Variants in MYOCD observed in about 807,000 individuals in gnomAD.
The protein encoded by MYOCD is myocardin.
Under a neutral mutation model 96.1 loss-of-function variants are expected in MYOCD, and 32 were observed. That is an observed-to-expected ratio of 0.33 (90% CI 0.25 to 0.45). MYOCD has a LOEUF of 0.45. Among genes scored for constraint, MYOCD ranks in the 20% least tolerant of loss-of-function variants. The pLI, the probability that MYOCD is intolerant of heterozygous loss-of-function variation, is 1.00. For missense variants in MYOCD, 1,133 were observed against 1,200.6 expected (o/e 0.94, Z 0.83); for synonymous variants, 469 against 469.0 (o/e 1.00, Z 0.00).
intron 5 of MYOCD, among the ~76,000 whole-genome samples, chr17:12,734,440 C>A (rs1254941037): frequency 6.6e-6 from 1 of 151,258 alleles, no homozygotes; most frequent in Non-Finnish European, 1.5e-5. Flanking sequence ...CACTTAACCC[C>A]CTAACCCCCA....
intron 6 of MYOCD, 85 bp downstream of exon 6, chr17:12,736,421 A>G (rs747727306): frequency 3.5e-6 from 5 of 1,418,138 alleles, no homozygotes; most frequent in Non-Finnish European, 4.8e-6. Flanking sequence ...CACTGTTAAC[A>G]GCTGGTTTTG....
intron 1 of MYOCD, among the ~76,000 whole-genome samples, chr17:12,684,155 C>A (rs1465047528): frequency 6.6e-6 from 1 of 151,930 alleles, no homozygotes. Flanking sequence ...CATAGCAATT[C>A]TTTTTTTTCC....
At chr17:12,743,309 C>T (rs760404319) in intron 7 of MYOCD, among the ~76,000 whole-genome samples, 6 of 151,840 alleles carry the variant, frequency 4.0e-5, no homozygotes, top group Non-Finnish European at 7.4e-5. Flanking sequence ...GGCAGGCAGG[C>T]GAGAGGGTGT....
At position 12,666,359 on chromosome 17, in the gene MYOCD, C is replaced by T. The variant is rs190694581; in HGVS notation, c.55+116C>T. On this transcript the variant is annotated intron_variant, in intron 1 of 13. Coordinates refer to ENST00000425538, the MANE Select transcript of MYOCD (RefSeq NM_001146312.3). ...CTGCCAGGTCTACCTCAACTTTGTT[C>T]CCCAAAAGCACATTGTGGAAGCGAA... 30 of 784,416 alleles carry T rather than the reference C, an allele frequency of 3.8e-5. No homozygotes were observed. In the East Asian group the frequency reaches 8.1e-4, roughly 21 times the overall value. 48.6% of individuals were successfully genotyped at this position (784,416 alleles called of 1,614,324 possible). A position where few individuals can be genotyped will look rare whatever the true frequency, so the allele number is the denominator to read the frequency against.
At chr17:12,687,706 C>T (rs2030203574) in intron 1 of MYOCD, among the ~76,000 whole-genome samples, 1 of 152,008 alleles carries the variant, frequency 6.6e-6, no homozygotes, top group Non-Finnish European at 1.5e-5. Context: ...AAAATACGAC[C>T]ATTCTTTGGC....
At position 12,736,269 on chromosome 17, in the gene MYOCD, C is replaced by G; in HGVS notation, c.524C>G (p.Ser175Ter). The G allele has an allele frequency of 6.2e-7, 1 of 1,614,232 alleles. No individual in the cohort carries two copies. The highest frequency in any genetic ancestry group is 8.5e-7 in the Non-Finnish European group (1 of 1,180,034). ...ACTCGAAGTGAAGACCCCCAAAACT[C>G]AGCGGGATCCCCGCCAGACGCTAAA... Reference protein sequence around the residue: ...DQTRSEDPQNSAGSPPDAKAS... With the variant: ...DQTRSEDPQN Residue 175 changes from serine (S) to a stop codon, truncating the protein, a stop_gained, in exon 6 of 14, where the codon TCA becomes TGA. Coordinates refer to ENST00000425538, the MANE Select transcript of MYOCD (RefSeq NM_001146312.3). LOFTEE classifies it high-confidence loss of function.
intron 5 of MYOCD, among the ~76,000 whole-genome samples, chr17:12,732,790 G>A (rs145201360): frequency 6.6e-6 from 1 of 152,302 alleles, no homozygotes; most frequent in East Asian, 1.9e-4. Context: ...CCAAATGCCA[G>A]GTGTCAGAGT....
chr17:12,681,334 T>G (rs187477186), intron 1 of MYOCD, among the ~76,000 whole-genome samples: 1 of 152,304 alleles, frequency 6.6e-6, no homozygotes, highest in Non-Finnish European at 1.5e-5. Flanking sequence ...TATTTTAACA[T>G]GAAAGCCTCA....
At chr17:12,704,583 A>G (rs2031214035) in intron 1 of MYOCD, among the ~76,000 whole-genome samples, 1 of 152,200 alleles carries the variant, frequency 6.6e-6, no homozygotes, top group African/African-American at 2.4e-5. Flanking sequence ...TCAAAATGTC[A>G]TTACATGTGC....
intron 5 of MYOCD, among the ~76,000 whole-genome samples, chr17:12,723,542 G>A (rs1385912398): frequency 6.6e-6 from 1 of 152,138 alleles, no homozygotes; most frequent in Non-Finnish European, 1.5e-5. Context: ...CTTGCTCCAC[G>A]AAGTCAAAGG....
At chr17:12,742,001 T>C (rs2150708984) in intron 7 of MYOCD, among the ~76,000 whole-genome samples, 1 of 152,148 alleles carries the variant, frequency 6.6e-6, no homozygotes, top group East Asian at 1.9e-4. Context: ...TGGAATGTGC[T>C]AAGGCAACAT....
chr17:12,754,642 C>A (rs887861419), intron 10 of MYOCD, among the ~76,000 whole-genome samples: 2 of 152,248 alleles, frequency 1.3e-5, no homozygotes, highest in East Asian at 3.9e-4. Context: ...AACTCAAAGA[C>A]TAGGCAAAGG....
In MYOCD at chr17:12,745,960, C is replaced by A; in HGVS notation, c.1013C>A (p.Ser338Ter). Residue 338 changes from serine (S) to a stop codon, truncating the protein, a stop_gained, in exon 9 of 14, where the codon TCA (serine) becomes TAA (stop). Coordinates refer to ENST00000425538, the MANE Select transcript of MYOCD (RefSeq NM_001146312.3). LOFTEE classifies it high-confidence loss of function. ...ATGGTCAGAAATCCAAACTCTTCTT[C>A]AACGCCACTGAGCAATACCCCCTTG... ...EQMVRNPNSS[S>*]TPLSNTPLSP... 6.2e-7 allele frequency: 1 copy of A among 1,614,180 alleles called. No individual in the cohort carries two copies. The highest frequency in any genetic ancestry group is 8.5e-7 in the Non-Finnish European group (1 of 1,180,016).
intron 6 of MYOCD, among the ~76,000 whole-genome samples, chr17:12,736,717 A>G (rs2032356333): frequency 6.6e-6 from 1 of 152,182 alleles, no homozygotes; most frequent in Non-Finnish European, 1.5e-5. Context: ...AAAGTTCACC[A>G]TCTCTCTATG....
chr17:12,674,184 G>A (rs1382584172), intron 1 of MYOCD, among the ~76,000 whole-genome samples: 10 of 152,146 alleles, frequency 6.6e-5, no homozygotes, highest in African/African-American at 1.9e-4. Context: ...AGGTATGAAC[G>A]TATTTGTTCC....
chr17:12,688,443 C>T lies in MYOCD; in HGVS notation c.56-16685C>T, dbSNP rs149206359. On this transcript the variant is annotated intron_variant, in intron 1 of 13. Transcript: ENST00000425538. ...TTTAGTTTTTTCCTTCCTTTCCTTC[C>T]TTCCATCTCCTTCCTTCCTTCCTTC... is the stretch of plus-strand genomic sequence containing the variant. Among the ~76,000 whole-genome samples the T allele has an allele frequency of 7.4e-3, 1,125 of 151,922 alleles. 15 individuals are homozygous for T. Among genetic ancestry groups the T allele is most frequent in the African/African-American group, 0.025 (1,043 of 41,378 alleles).
chr17:12,764,936 C>G lies in MYOCD; in HGVS notation c.*1292C>G, dbSNP rs1035493459. Reference sequence around the variant, plus strand: ...AACTGGTGACTTGGTCCATCAGTCACGAAGTTCTTTCTATTCTCGTTTAGT... The same window carrying G: ...AACTGGTGACTTGGTCCATCAGTCAGGAAGTTCTTTCTATTCTCGTTTAGT... On this transcript the variant is annotated 3_prime_UTR_variant, in exon 14 of 14. Transcript: ENST00000425538. 6.6e-6 allele frequency: 1 copy of G among 152,140 alleles called. No individual in the cohort carries two copies. Among genetic ancestry groups the G allele is most frequent in the Non-Finnish European group, 1.5e-5 (1 of 68,032 alleles). 9.4% of individuals were successfully genotyped at this position (152,140 alleles called of 1,614,324 possible). A position where few individuals can be genotyped will look rare whatever the true frequency, so the allele number is the denominator to read the frequency against.
At position 12,758,024 on chromosome 17, in the gene MYOCD, A is replaced by G. The variant is rs2033060841; in HGVS notation, c.2203-61A>G. 2.2e-6 allele frequency: 3 copies of G among 1,340,928 alleles called. No homozygotes were observed. The Admixed American group carries it at 5.2e-5, about 23-fold the overall frequency. 83.1% of individuals were successfully genotyped at this position (1,340,928 alleles called of 1,614,324 possible). A position where few individuals can be genotyped will look rare whatever the true frequency, so the allele number is the denominator to read the frequency against. On this transcript the variant is annotated intron_variant, in intron 11 of 13. Transcript: ENST00000425538. ...AAATTTAGCCTGTTGTTTCTAGAAC[A>G]GAAACAACATAATTTCAGATCCATG...
chr17:12,736,111 C>T, intron 5 of MYOCD, 50 bp from the exon 6 acceptor site: 1 of 1,532,922 alleles, frequency 6.5e-7, no homozygotes, highest in Non-Finnish European at 8.9e-7. Context: ...CAAAAATGCC[C>T]TTTGATGCTC....
Sources: gnomAD v4.1 joint callset for allele counts (sites outside exome capture counted in the v4.1 genomes callset) on GRCh38, gnomAD v4.1.1 for gene constraint, MANE v1.5 for transcripts, NCBI Gene and HGNC (gene_info 2026-07-23, HGNC 2026-07-21) for gene names.